The following ADGRL2 variants were observed in gnomAD, a reference collection of about 807,000 sequenced individuals.
ADGRL2 encodes calcium-independent alpha-latrotoxin receptor 2.
A neutral mutation model predicts 157.4 loss-of-function variants in ADGRL2; 44 were observed. That is an observed-to-expected ratio of 0.28 (90% CI 0.22 to 0.36). The LOEUF (loss-of-function observed/expected upper bound fraction) is 0.36, where lower values mean the gene tolerates loss of function less well. Among genes scored for constraint, ADGRL2 ranks in the 10% least tolerant of loss-of-function variants. ADGRL2 has a pLI of 1.00. For synonymous variants in ADGRL2, 585 were observed against 624.7 expected, an observed-to-expected ratio of 0.94 and a Z score of 0.95; for missense variants, 1,510 against 1,768.9, an observed-to-expected ratio of 0.85 and a Z score of 2.63.
At chr1:81,865,556 C>T (rs772485596) in intron 2 of ADGRL2, among the ~76,000 whole-genome samples, 18 of 152,140 alleles carry the variant, frequency 1.2e-4, no homozygotes, top group Non-Finnish European at 2.6e-4. Flanking sequence ...TATGTTTTCT[C>T]ATGTGAGATT....
intron 3 of ADGRL2, among the ~76,000 whole-genome samples, chr1:81,924,436 A>G (rs1398379940): frequency 1.3e-5 from 2 of 152,162 alleles, no homozygotes; most frequent in Non-Finnish European, 2.9e-5. Context: ...CTCAAAGTCT[A>G]CATAGAAAAG....
chr1:81,533,751 T>G (rs74686066), intron 2 of ADGRL2, among the ~76,000 whole-genome samples: 7,443 of 152,240 alleles, frequency 0.049, 593 homozygotes, highest in African/African-American at 0.17. Flanking sequence ...AGCTTAGTGT[T>G]CATTATTCTG....
chr1:81,634,181 T>G (rs1348114700), intron 3 of ADGRL2, among the ~76,000 whole-genome samples: 1 of 152,194 alleles, frequency 6.6e-6, no homozygotes, highest in Non-Finnish European at 1.5e-5. Flanking sequence ...TGCCAAATAC[T>G]TCTTATAGAT....
intron 1 of ADGRL2, among the ~76,000 whole-genome samples, chr1:81,370,731 C>T (rs941841896): frequency 1.3e-5 from 2 of 152,104 alleles, no homozygotes; most frequent in Admixed American, 6.6e-5. Flanking sequence ...TTTAGGAACA[C>T]ACTGCAGCAC....
At chr1:81,845,321 A>G (rs2092744007) in intron 2 of ADGRL2, among the ~76,000 whole-genome samples, 1 of 152,008 alleles carries the variant, frequency 6.6e-6, no homozygotes, top group South Asian at 2.1e-4. Flanking sequence ...CTATATAATT[A>G]TTTTTCCTTC....
At chr1:81,835,153 T>A (rs115617710) in intron 1 of ADGRL2, among the ~76,000 whole-genome samples, 1,770 of 152,286 alleles carry the variant, frequency 0.012, 22 homozygotes, top group Non-Finnish European at 0.016. Context: ...GTGCAAGAGT[T>A]GAGCATGTGG....
intron 3 of ADGRL2, among the ~76,000 whole-genome samples, chr1:81,693,871 C>T (rs1169635969): frequency 6.6e-6 from 1 of 152,004 alleles, no homozygotes; most frequent in African/African-American, 2.4e-5. Flanking sequence ...TTGATTCATC[C>T]CACAAACATT....
At chr1:81,771,852 T>G (rs866211411) in intron 2 of ADGRL2, among the ~76,000 whole-genome samples, 3 of 152,240 alleles carry the variant, frequency 2.0e-5, no homozygotes, top group Non-Finnish European at 1.5e-5. Flanking sequence ...AAATGCAGAA[T>G]CAGACTCATA....
chr1:81,701,622 G>C (rs2083577211), intron 1 of ADGRL2, among the ~76,000 whole-genome samples: 1 of 152,070 alleles, frequency 6.6e-6, no homozygotes, highest in Admixed American at 6.5e-5. Context: ...GAAAGAGTCT[G>C]CCTAAATCAC....
chr1:81,705,839 G>A lies in ADGRL2; in HGVS notation c.-143+6031G>A, dbSNP rs1194387847. Reference sequence around the variant, plus strand: ...GAGGATCGCTTGAGCCCAGGAGTTCGAGATTGCAGTGAACTGTGATCATGT... The same window carrying A: ...GAGGATCGCTTGAGCCCAGGAGTTCAAGATTGCAGTGAACTGTGATCATGT... On this transcript the variant is annotated intron_variant, in intron 1 of 20. Coordinates refer to the ADGRL2 transcript ENST00000359929. Among the ~76,000 whole-genome samples the A allele has an allele frequency of 2.0e-5, 3 of 152,072 alleles. No homozygotes were observed. In the East Asian group the frequency reaches 5.9e-4, roughly 30 times the overall value.
chr1:81,461,029 C>A (rs951371146), intron 2 of ADGRL2, among the ~76,000 whole-genome samples: 42 of 152,192 alleles, frequency 2.8e-4, no homozygotes, highest in African/African-American at 9.6e-4. Context: ...ACAGGCAGAC[C>A]CCTCTGCTTG....
chr1:81,322,109 T>TATATATATATAC (rs71592379), intron 1 of ADGRL2, among the ~76,000 whole-genome samples: 1,402 of 129,708 alleles, frequency 0.011, 34 homozygotes, highest in African/African-American at 0.038. Flanking sequence ...TATATATATA[T>TATATATATATAC]ACACATATAT....
At chr1:81,412,304 T>C (rs1158869254) in intron 1 of ADGRL2, among the ~76,000 whole-genome samples, 1 of 152,208 alleles carries the variant, frequency 6.6e-6, no homozygotes, top group Non-Finnish European at 1.5e-5. Flanking sequence ...CATTATATCA[T>C]GTTATGTTTT....
chr1:81,421,513 C>T (rs1385255822), intron 1 of ADGRL2, among the ~76,000 whole-genome samples: 2 of 152,166 alleles, frequency 1.3e-5, no homozygotes, highest in African/African-American at 4.8e-5. Flanking sequence ...CTCATAACTG[C>T]AAGCAGTTAC....
chr1:81,979,289 A>G (rs1395062705), intron 17 of ADGRL2, among the ~76,000 whole-genome samples: 2 of 151,870 alleles, frequency 1.3e-5, no homozygotes, highest in African/African-American at 4.8e-5. Context: ...ACATAGAAAA[A>G]AAAGACTGAT....
intron 1 of ADGRL2, among the ~76,000 whole-genome samples, chr1:81,356,971 A>AG (rs1553156787): frequency 2.0e-5 from 2 of 99,402 alleles, no homozygotes; most frequent in East Asian, 4.3e-4. Flanking sequence ...AAAAAAAAAA[A>AG]AAGAAGTTGT....
intron 9 of ADGRL2, among the ~76,000 whole-genome samples, chr1:81,952,372 G>T (rs983530297): frequency 6.6e-6 from 1 of 152,066 alleles, no homozygotes; most frequent in South Asian, 2.1e-4. Context: ...ATCTTAGTTG[G>T]TGGCAAACTT....
In ADGRL2 at chr1:81,886,050, C is replaced by A. The variant is rs139009981; in HGVS notation, c.74-20967C>A. Among the ~76,000 whole-genome samples the A allele has an allele frequency of 2.0e-3, 299 of 152,270 alleles. 2 individuals carry two copies. Among genetic ancestry groups the A allele is most frequent in the Middle Eastern group, 0.014 (4 of 292 alleles). ...ACTCCCTGGGTATCTTCAAAGCAGC[C>A]TGGTTGTAATAAGTGAATTTTATCT... On this transcript the variant is annotated intron_variant, in intron 2 of 23. Coordinates refer to ENST00000686636, the MANE Select transcript of ADGRL2 (RefSeq NM_001366006.2).
chr1:81,989,690 C>A, intron 23 of ADGRL2: 1 of 1,611,078 alleles, frequency 6.2e-7, no homozygotes, highest in South Asian at 1.1e-5. Flanking sequence ...AGCAGACAGA[C>A]ATGATGTGAG....
Sources: allele counts gnomAD v4.1 joint callset (sites outside exome capture counted in the v4.1 genomes callset), GRCh38; gene constraint gnomAD v4.1.1; transcripts MANE v1.5; gene names NCBI Gene and HGNC (gene_info 2026-07-23, HGNC 2026-07-21).